Variants in GTF2E2 observed in about 807,000 individuals in gnomAD.
The protein encoded by GTF2E2 is general transcription factor IIE subunit 2.
GTF2E2 carries 21 observed loss-of-function variants against 40.5 expected under a neutral mutation model. The observed-to-expected ratio is 0.52, with a 90% CI of 0.37 to 0.75. The LOEUF (loss-of-function observed/expected upper bound fraction) is 0.75. GTF2E2 is among the 30% of genes least tolerant of loss of function. GTF2E2 has a pLI of 0.00. For synonymous variants in GTF2E2, 117 were observed against 121.6 expected (o/e 0.96, Z 0.25); for missense variants, 298 against 338.4 (o/e 0.88, Z 0.94).
chr8:30,650,423 C>T (rs1313879174), intron 2 of GTF2E2, among the ~76,000 whole-genome samples: 2 of 151,178 alleles, frequency 1.3e-5, no homozygotes, highest in African/African-American at 2.4e-5. Context: ...GATGCAGTAG[C>T]TTATGCCTAT....
At chr8:30,628,663 G>A (rs904868187) in intron 3 of GTF2E2, among the ~76,000 whole-genome samples, 2 of 152,166 alleles carry the variant, frequency 1.3e-5, no homozygotes, top group African/African-American at 2.4e-5. Flanking sequence ...TGGGCATGTT[G>A]GCTCACGCCT....
intron 2 of GTF2E2, chr8:30,643,764 A>G: frequency 1.3e-5 from 2 of 152,150 alleles, no homozygotes; most frequent in Non-Finnish European, 2.9e-5. Flanking sequence ...AATAATTCTA[A>G]GTCTTAACCC....
At chr8:30,592,051 G>A (rs145792296) in intron 6 of GTF2E2, among the ~76,000 whole-genome samples, 1 of 152,176 alleles carries the variant, frequency 6.6e-6, no homozygotes, top group East Asian at 1.9e-4. Flanking sequence ...ACCTCCCTGT[G>A]ATTTCCTCCT....
intron 6 of GTF2E2, among the ~76,000 whole-genome samples, chr8:30,595,776 G>A (rs1273464596): frequency 6.6e-6 from 1 of 151,956 alleles, no homozygotes; most frequent in Non-Finnish European, 1.5e-5. Context: ...AGGTTGTAGT[G>A]AGCCAAGATT....
At chr8:30,654,087 TCAA>T (rs1563514059) in intron 1 of GTF2E2, among the ~76,000 whole-genome samples, 1 of 28,396 alleles carries the variant, frequency 3.5e-5, no homozygotes. Flanking sequence ...AGACCCTTGT[TCAA>T]AAAAAAAAAA....
intron 6 of GTF2E2, chr8:30,584,361 A>G (rs567396513): frequency 6.6e-6 from 1 of 152,320 alleles, no homozygotes; most frequent in African/African-American, 2.4e-5. Context: ...CAAGATCTAC[A>G]TATTTTGGGT....
At chr8:30,598,966 T>C (rs1259164678) in intron 6 of GTF2E2, among the ~76,000 whole-genome samples, 1 of 152,104 alleles carries the variant, frequency 6.6e-6, no homozygotes, top group Non-Finnish European at 1.5e-5. Context: ...AAGACCAGTC[T>C]GGGCAACAAA....
Position 30,599,698 on chromosome 8 carries a change from G to A in GTF2E2, c.643+7359C>T, listed in dbSNP as rs540304870. Among the ~76,000 whole-genome samples the A allele has an allele frequency of 1.9e-4, 28 of 151,270 alleles. No homozygotes were observed. The South Asian group carries it at 5.0e-3, about 27-fold the overall frequency. ...ACCATGTAGCCATTTAAAAAATAAC[G>A]ATCAGGCAGGGCACGGTGGCTCACA... On this transcript the variant is annotated intron_variant, in intron 6 of 7. Coordinates refer to ENST00000355904, the MANE Select transcript of GTF2E2 (RefSeq NM_002095.6).
intron 6 of GTF2E2, among the ~76,000 whole-genome samples, chr8:30,588,301 T>A (rs1176493606): frequency 6.6e-6 from 1 of 152,222 alleles, no homozygotes; most frequent in Non-Finnish European, 1.5e-5. Flanking sequence ...CTTACAACAG[T>A]CGAGATAAAG....
chr8:30,628,451 C>T (rs1801347495), intron 3 of GTF2E2, among the ~76,000 whole-genome samples: 3 of 152,162 alleles, frequency 2.0e-5, no homozygotes, highest in East Asian at 1.9e-4. Flanking sequence ...ATCATGTCCA[C>T]AACTTACTGA....
chr8:30,647,379 G>A (rs1024698727), intron 2 of GTF2E2, among the ~76,000 whole-genome samples: 5 of 152,162 alleles, frequency 3.3e-5, no homozygotes, highest in East Asian at 1.9e-4. Context: ...TCAGGAGTTC[G>A]AGACCAGCCT....
intron 2 of GTF2E2, among the ~76,000 whole-genome samples, chr8:30,651,267 A>T (rs1802267813): frequency 6.6e-6 from 1 of 152,156 alleles, no homozygotes; most frequent in Non-Finnish European, 1.5e-5. Context: ...TTATTCACAG[A>T]TGACATAATC....
At chr8:30,627,531 T>A (rs1396249778) in intron 3 of GTF2E2, among the ~76,000 whole-genome samples, 1 of 151,604 alleles carries the variant, frequency 6.6e-6, no homozygotes, top group African/African-American at 2.4e-5. Flanking sequence ...AAATGAAATT[T>A]AAGATGTCTT....
intron 2 of GTF2E2, chr8:30,643,466 G>A (rs1218829025): frequency 2.0e-5 from 3 of 152,192 alleles, no homozygotes; most frequent in Non-Finnish European, 4.4e-5. Context: ...AGACCAGCCT[G>A]ACCAACATGG....
At chr8:30,656,379 G>A (rs1245850984) in intron 1 of GTF2E2, among the ~76,000 whole-genome samples, 1 of 152,186 alleles carries the variant, frequency 6.6e-6, no homozygotes, top group Non-Finnish European at 1.5e-5. Flanking sequence ...AAAGCGTGGG[G>A]CCAAGAAGAA....
At chr8:30,657,347 C>T (rs1563515782) in intron 1 of GTF2E2, among the ~76,000 whole-genome samples, 1 of 152,148 alleles carries the variant, frequency 6.6e-6, no homozygotes, top group Non-Finnish European at 1.5e-5. Context: ...TGCCTCCAAG[C>T]CCACGATTCT....
chr8:30,579,109 C>T, intron 7 of GTF2E2, 72 bp from the exon 8 acceptor site: 1 of 836,014 alleles, frequency 1.2e-6, no homozygotes. Flanking sequence ...ATGTTCTGAG[C>T]ATGCCCAGAT....
intron 6 of GTF2E2, among the ~76,000 whole-genome samples, chr8:30,595,823 C>T (rs1431883476): frequency 7.6e-6 from 1 of 132,334 alleles, no homozygotes; most frequent in African/African-American, 2.9e-5. Flanking sequence ...CAGAGTCAGA[C>T]AAGAAAAAAG....
At chr8:30,580,197 C>T in intron 7 of GTF2E2, 84 bp downstream of exon 7, 1 of 772,440 alleles carries the variant, frequency 1.3e-6, no homozygotes, top group South Asian at 1.6e-5. Flanking sequence ...GGGAACAACT[C>T]CCAGCTCTTC....
Sources: allele counts gnomAD v4.1 joint callset (sites outside exome capture counted in the v4.1 genomes callset), GRCh38; gene constraint gnomAD v4.1.1; transcripts MANE v1.5; gene names NCBI Gene and HGNC (gene_info 2026-07-23, HGNC 2026-07-21).